Variants in SLC8A1 observed in about 807,000 individuals in gnomAD.
The protein encoded by SLC8A1 is solute carrier family 8 member A1.
SLC8A1 carries 18 observed loss-of-function variants against 68.3 expected under a neutral mutation model. That is an observed-to-expected ratio of 0.26 (90% confidence interval 0.18 to 0.39). The LOEUF is 0.39. Ranked by LOEUF, SLC8A1 falls within the 10% of genes least tolerant of loss-of-function variation. The pLI, the probability that SLC8A1 is intolerant of heterozygous loss-of-function variation, is 1.00. For missense variants in SLC8A1, 985 were observed against 1,156.7 expected, an observed-to-expected ratio of 0.85 and a Z score of 2.15; for synonymous variants, 475 against 415.5, an observed-to-expected ratio of 1.14 and a Z score of -1.74.
At chr2:40,164,410 T>C (rs1478288964) in intron 5 of SLC8A1, among the ~76,000 whole-genome samples, 1 of 152,202 alleles carries the variant, frequency 6.6e-6, no homozygotes, top group Non-Finnish European at 1.5e-5. Flanking sequence ...CAATGGGATG[T>C]TCCATAGGGA....
At chr2:40,097,394 T>G (rs1230927140) in exon 8 of SLC8A1, 2 of 152,026 alleles carry the variant, frequency 1.3e-5, no homozygotes, top group African/African-American at 4.8e-5. Context: ...GATTACAGTT[T>G]AACACGATTA....
intron 1 of SLC8A1, among the ~76,000 whole-genome samples, chr2:40,493,035 C>T (rs187277754): frequency 3.7e-4 from 57 of 152,230 alleles, no homozygotes; most frequent in Admixed American, 7.2e-4. Flanking sequence ...GCTATAAAGA[C>T]ACATGAACAC....
chr2:40,508,122 C>T (rs762596293), intron 1 of SLC8A1, among the ~76,000 whole-genome samples: 3 of 151,924 alleles, frequency 2.0e-5, no homozygotes, highest in Non-Finnish European at 4.4e-5. Flanking sequence ...AGCTGCTGGG[C>T]AGATTAAGGA....
chr2:40,375,180 G>T (rs1298233534), intron 2 of SLC8A1, among the ~76,000 whole-genome samples: 1 of 151,972 alleles, frequency 6.6e-6, no homozygotes, highest in African/African-American at 2.4e-5. Flanking sequence ...GAGATTGAAG[G>T]AATGCTCAGT....
chr2:40,389,036 G>T (rs1684473404), intron 2 of SLC8A1, among the ~76,000 whole-genome samples: 1 of 152,048 alleles, frequency 6.6e-6, no homozygotes, highest in Admixed American at 6.6e-5. Flanking sequence ...GTATATATGT[G>T]TGTATACATA....
intron 4 of SLC8A1, among the ~76,000 whole-genome samples, chr2:40,172,296 A>G (rs1487021879): frequency 1.3e-5 from 2 of 152,198 alleles, no homozygotes; most frequent in South Asian, 4.1e-4. Flanking sequence ...AGAAAGTAGG[A>G]ATGGACAGGC....
intron 2 of SLC8A1, among the ~76,000 whole-genome samples, chr2:40,221,609 A>T (rs1269576785): frequency 3.3e-5 from 5 of 152,214 alleles, no homozygotes; most frequent in Non-Finnish European, 7.3e-5. Flanking sequence ...TTTGCAGATG[A>T]CATGATTGTA....
chr2:40,342,720 AG>A (rs1249591900), intron 2 of SLC8A1, among the ~76,000 whole-genome samples: 1 of 152,208 alleles, frequency 6.6e-6, no homozygotes, highest in African/African-American at 2.4e-5. Flanking sequence ...ACGATACTAA[AG>A]TCTCACACAA....
chr2:40,464,337 T>C lies in SLC8A1; in HGVS notation c.-24-34033A>G, dbSNP rs749727565. On this transcript the variant is annotated intron_variant, in intron 1 of 7. Coordinates refer to the SLC8A1 transcript ENST00000402441. The stretch of plus-strand genomic sequence containing the variant: ...TCTAGCATAGAGACAACGCATTTCA[T>C]AACTTTAAAAGATTCCTTCATTTCT... 2.0e-5 allele frequency among the ~76,000 whole-genome samples: 3 copies of C among 152,350 alleles called. No homozygotes were observed. In the East Asian group the frequency reaches 5.8e-4, roughly 29 times the overall value.
chr2:40,392,202 AAAG>A (rs1486444661), intron 2 of SLC8A1, among the ~76,000 whole-genome samples: 2 of 151,744 alleles, frequency 1.3e-5, no homozygotes, highest in Non-Finnish European at 2.9e-5. Flanking sequence ...AAAAGAAAGA[AAAG>A]AAAAAGAAAA....
At chr2:40,394,899 T>C (rs537023878) in intron 2 of SLC8A1, among the ~76,000 whole-genome samples, 1 of 152,284 alleles carries the variant, frequency 6.6e-6, no homozygotes, top group South Asian at 2.1e-4. Flanking sequence ...CCAAGAACTC[T>C]ACCCCAATCC....
chr2:40,414,690 ACT>A (rs1401126604), intron 2 of SLC8A1, among the ~76,000 whole-genome samples: 3 of 152,006 alleles, frequency 2.0e-5, no homozygotes, highest in African/African-American at 7.2e-5. Context: ...TTTTTCAATA[ACT>A]CTTCTCTTGT....
chr2:40,370,987 C>T (rs1334508247), intron 2 of SLC8A1, among the ~76,000 whole-genome samples: 1 of 152,068 alleles, frequency 6.6e-6, no homozygotes, highest in Non-Finnish European at 1.5e-5. Flanking sequence ...TCTATAAAGA[C>T]CACCTACATT....
At chr2:40,212,129 G>A (rs1417903610) in intron 2 of SLC8A1, among the ~76,000 whole-genome samples, 1 of 151,980 alleles carries the variant, frequency 6.6e-6, no homozygotes, top group Non-Finnish European at 1.5e-5. Context: ...GAGAGGAAGA[G>A]GAGGAAAAGG....
intron 2 of SLC8A1, among the ~76,000 whole-genome samples, chr2:40,362,002 C>G (rs113320242): frequency 0.09 from 12,117 of 134,872 alleles, 635 homozygotes; most frequent in East Asian, 0.23. Flanking sequence ...TCAAGTGATT[C>G]TCCTGACTCA....
chr2:40,414,904 G>A (rs1454147723), intron 2 of SLC8A1, among the ~76,000 whole-genome samples: 2 of 152,040 alleles, frequency 1.3e-5, no homozygotes, highest in Non-Finnish European at 2.9e-5. Flanking sequence ...AAGACAATAG[G>A]TATCAACCAG....
rs549480513 is a variant in SLC8A1, at chr2:40,341,766, C to T, written c.1808+86707G>A. On this transcript the variant is annotated intron_variant, in intron 2 of 7. Coordinates refer to ENST00000406785, the Ensembl canonical transcript of SLC8A1. The stretch of plus-strand genomic sequence containing the variant: ...GTTCTACAAAAGCTATTATTAGTTA[C>T]ACTGGTTTTTTGCTGGACTTCTAAC... 3.9e-5 allele frequency among the ~76,000 whole-genome samples: 6 copies of T among 152,222 alleles called. No homozygotes were observed. The East Asian group carries it at 7.7e-4, about 20-fold the overall frequency.
intron 1 of SLC8A1, among the ~76,000 whole-genome samples, chr2:40,506,041 A>T (rs1334920087): frequency 2.6e-5 from 4 of 151,240 alleles, no homozygotes; most frequent in African/African-American, 7.3e-5. Flanking sequence ...AGAGCTAGTC[A>T]TGTGTTAGTG....
At chr2:40,144,184 A>G (rs970503723) in intron 6 of SLC8A1, among the ~76,000 whole-genome samples, 1 of 152,210 alleles carries the variant, frequency 6.6e-6, no homozygotes, top group South Asian at 2.1e-4. Flanking sequence ...AGCCATTATC[A>G]TTCATTTCCC....
Sources: allele counts gnomAD v4.1 joint callset (sites outside exome capture counted in the v4.1 genomes callset), GRCh38; gene constraint gnomAD v4.1.1; transcripts MANE v1.5; gene names NCBI Gene and HGNC (gene_info 2026-07-23, HGNC 2026-07-21).